The following NR2C2 variants were observed in gnomAD, a reference collection of about 807,000 sequenced individuals.
The protein encoded by NR2C2 is nuclear receptor subfamily 2 group C member 2, also known as Nuclear hormone receptor TR4.
Under a neutral mutation model 62.9 loss-of-function variants are expected in NR2C2, and 6 were observed. The ratio of observed to expected loss-of-function variants is 0.10; its 90% CI spans 0.05 to 0.19. The LOEUF is 0.19. Among genes scored for constraint, NR2C2 ranks in the 10% least tolerant of loss-of-function variants. NR2C2 has a pLI of 1.00. For missense variants in NR2C2, 479 were observed against 762.7 expected, an observed-to-expected ratio of 0.63 and a Z score of 4.38; for synonymous variants, 272 against 273.8, an observed-to-expected ratio of 0.99 and a Z score of 0.07.
At chr3:14,979,663 C>T (rs1010342349) in intron 1 of NR2C2, among the ~76,000 whole-genome samples, 1 of 151,660 alleles carries the variant, frequency 6.6e-6, no homozygotes, top group Non-Finnish European at 1.5e-5. Context: ...GGGGAACACT[C>T]CAGACAGGGA....
chr3:15,013,355 A>G (rs1447670199), intron 2 of NR2C2, among the ~76,000 whole-genome samples: 1 of 152,236 alleles, frequency 6.6e-6, no homozygotes, highest in African/African-American at 2.4e-5. Flanking sequence ...TTTTAATTCT[A>G]AAAACAGTAG....
intron 1 of NR2C2, among the ~76,000 whole-genome samples, chr3:14,965,522 CAAAAA>C (rs545143806): frequency 0.015 from 1,215 of 79,610 alleles, 8 homozygotes; most frequent in African/African-American, 0.044. Context: ...TTTCCCATGG[CAAAAA>C]AAAAAAAAAA....
intron 1 of NR2C2, among the ~76,000 whole-genome samples, chr3:14,969,421 T>A (rs536416464): frequency 6.6e-6 from 1 of 152,188 alleles, no homozygotes; most frequent in Admixed American, 6.5e-5. Context: ...TTTTGTACTT[T>A]TAGCAGAGAT....
chr3:15,026,910 A>T (rs1173881425), intron 7 of NR2C2: 3 of 151,254 alleles, frequency 2.0e-5, no homozygotes, highest in Non-Finnish European at 4.4e-5. Context: ...TCTGTCGCCC[A>T]GGCTGGAGTG....
intron 3 of NR2C2, among the ~76,000 whole-genome samples, chr3:15,015,691 G>A (rs2041490160): frequency 6.6e-6 from 1 of 152,190 alleles, no homozygotes; most frequent in Non-Finnish European, 1.5e-5. Context: ...GCCATTCTGG[G>A]TGTCAGATTA....
intron 5 of NR2C2, among the ~76,000 whole-genome samples, chr3:15,022,462 G>A (rs2125025699): frequency 7.1e-6 from 1 of 140,464 alleles, no homozygotes; most frequent in East Asian, 2.1e-4. Context: ...GAGTGCAGTG[G>A]TGCCGCGTCT....
At chr3:15,042,277 C>G (rs9820676) in intron 13 of NR2C2, among the ~76,000 whole-genome samples, 11,549 of 152,176 alleles carry the variant, frequency 0.076, 577 homozygotes, top group African/African-American at 0.13. Context: ...ATTTATAATG[C>G]TAAATGAACA....
chr3:15,003,409 A>T (rs773880707), intron 1 of NR2C2, among the ~76,000 whole-genome samples: 1 of 152,150 alleles, frequency 6.6e-6, no homozygotes, highest in African/African-American at 2.4e-5. Context: ...GGGGCTGAGA[A>T]ATTACCAGGA....
rs1270204955 is a variant in NR2C2, at chr3:14,947,838, TCCGCGCCGGGGGCCGCCCG to T, written c.-103_-85del. On this transcript the variant is annotated 5_prime_UTR_variant, in exon 1 of 14. Transcript: ENST00000425241. Reference sequence around the variant, plus strand: ...AGCCCGGGCTCCCCGCGCCCTGCCCTCCGCGCCGGGGGCCGCCCGCCGCAGACACGGGACCCGCTTCGAG... The same window carrying T: ...AGCCCGGGCTCCCCGCGCCCTGCCCTCCGCAGACACGGGACCCGCTTCGAG... 4 of 144,940 alleles carry T rather than the reference TCCGCGCCGGGGGCCGCCCG, an allele frequency of 2.8e-5. No individual in the cohort carries two copies. The highest frequency in any genetic ancestry group is 1.3e-4 in the Admixed American group (2 of 14,824). The allele number at this position is 144,940 out of a possible 1,614,324, so 9.0% of individuals were successfully genotyped here.
chr3:14,967,670 A>AT (rs1462941958), intron 1 of NR2C2, among the ~76,000 whole-genome samples: 1 of 152,184 alleles, frequency 6.6e-6, no homozygotes, highest in Non-Finnish European at 1.5e-5. Flanking sequence ...TGCTTTTCAT[A>AT]TATTAAAGGA....
At chr3:15,009,582 A>T (rs993257589) in intron 2 of NR2C2, among the ~76,000 whole-genome samples, 1 of 152,180 alleles carries the variant, frequency 6.6e-6, no homozygotes, top group Non-Finnish European at 1.5e-5. Flanking sequence ...AATCACAGAA[A>T]ACAACACATA....
chr3:15,020,987 G>A lies in NR2C2; in HGVS notation c.556+55G>A, dbSNP rs1204877360. On this transcript the variant is annotated intron_variant, in intron 5 of 13. Coordinates refer to ENST00000425241, the MANE Select transcript of NR2C2 (RefSeq NM_001291694.2). The stretch of plus-strand genomic sequence containing the variant: ...GTTAATGTGGAGGGAGACAGTAAAT[G>A]AGTCCATTAAATAAGGTTTCTATAC... 63 of 1,513,472 alleles carry A rather than the reference G, an allele frequency of 4.2e-5. 1 individual carries two copies. Among genetic ancestry groups the A allele is most frequent in the Non-Finnish European group, 3.5e-5 (38 of 1,100,524 alleles). 93.8% of individuals were successfully genotyped at this position (1,513,472 alleles called of 1,614,324 possible).
At chr3:15,011,212 G>A (rs1205943964) in intron 2 of NR2C2, among the ~76,000 whole-genome samples, 3 of 152,128 alleles carry the variant, frequency 2.0e-5, no homozygotes, top group African/African-American at 7.2e-5. Flanking sequence ...GGTGGCACGC[G>A]CCTGTGGTCT....
At chr3:15,031,571 A>G (rs577260371) in intron 9 of NR2C2, among the ~76,000 whole-genome samples, 1 of 151,676 alleles carries the variant, frequency 6.6e-6, no homozygotes, top group South Asian at 2.1e-4. Context: ...GGTGTCCTTG[A>G]TATGTTGCCC....
At chr3:14,994,276 A>G (rs921659151) in intron 1 of NR2C2, among the ~76,000 whole-genome samples, 2 of 152,056 alleles carry the variant, frequency 1.3e-5, no homozygotes, top group Admixed American at 6.6e-5. Flanking sequence ...AAACATTTCT[A>G]TATACTCACC....
Position 15,005,247 on chromosome 3 carries a change from C to T in NR2C2, c.72+1261C>T, listed in dbSNP as rs771799839. 7.2e-5 allele frequency among the ~76,000 whole-genome samples: 11 copies of T among 151,770 alleles called. No homozygotes were observed. The East Asian group carries it at 9.7e-4, about 13-fold the overall frequency. On this transcript the variant is annotated intron_variant, in intron 2 of 13. Transcript: ENST00000425241. ...TGTCACCCAGGCTGGAGTGCAATGG[C>T]GTGAACACAGCTCACTGCAGCCTCT...
chr3:14,953,474 T>A (rs2039429393), intron 1 of NR2C2, among the ~76,000 whole-genome samples: 1 of 152,186 alleles, frequency 6.6e-6, no homozygotes, highest in Non-Finnish European at 1.5e-5. Context: ...AGGGCTAGAC[T>A]CAAGCCTGAA....
intron 6 of NR2C2, among the ~76,000 whole-genome samples, chr3:15,023,871 G>A (rs1438821759): frequency 6.6e-6 from 1 of 152,158 alleles, no homozygotes; most frequent in African/African-American, 2.4e-5. Context: ...CAGTCATCCT[G>A]GAAAGCCCTG....
chr3:14,997,064 A>G (rs538438167), intron 1 of NR2C2, among the ~76,000 whole-genome samples: 5 of 152,372 alleles, frequency 3.3e-5, no homozygotes, highest in Admixed American at 3.3e-4. Flanking sequence ...GAACCACATA[A>G]TGACGGTTCT....
Sources: gnomAD v4.1 joint callset for allele counts (sites outside exome capture counted in the v4.1 genomes callset) on GRCh38, gnomAD v4.1.1 for gene constraint, MANE v1.5 for transcripts, NCBI Gene and HGNC (gene_info 2026-07-23, HGNC 2026-07-21) for gene names.